Variants in LOXL2 observed in about 807,000 individuals in gnomAD.
LOXL2 encodes lysyl oxidase homolog 2.
Under a neutral mutation model 93.0 loss-of-function variants are expected in LOXL2, and 70 were observed. That is an observed-to-expected ratio of 0.75 (90% CI 0.62 to 0.92). LOXL2 has a LOEUF of 0.92. LOXL2 is among the 40% of genes least tolerant of loss of function. LOXL2 has a pLI of 0.00. For missense variants in LOXL2, 973 were observed against 1,054.9 expected, an observed-to-expected ratio of 0.92 and a Z score of 1.08; for synonymous variants, 438 against 413.2, an observed-to-expected ratio of 1.06 and a Z score of -0.73.
intron 12 of LOXL2, among the ~76,000 whole-genome samples, chr8:23,299,203 G>C (rs1273303611): frequency 6.6e-6 from 1 of 152,224 alleles, no homozygotes; most frequent in Non-Finnish European, 1.5e-5. Flanking sequence ...TCTACCCAGG[G>C]TGGGCCTTCG....
chr8:23,325,826 C>T (rs10098047), intron 6 of LOXL2, among the ~76,000 whole-genome samples: 109,344 of 151,942 alleles, frequency 0.72, 39,515 homozygotes, highest in Middle Eastern at 0.76. Context: ...GGTCCCGATG[C>T]GGGCAGGGGT....
intron 4 of LOXL2, among the ~76,000 whole-genome samples, chr8:23,334,837 G>T (rs965394015): frequency 2.8e-5 from 4 of 143,338 alleles, no homozygotes; most frequent in Non-Finnish European, 4.5e-5. Flanking sequence ...TTTTTTTTGA[G>T]ATGGAGTCTC....
intron 6 of LOXL2, 73 bp from the exon 7 acceptor site, chr8:23,322,354 G>A: frequency 1.4e-6 from 2 of 1,406,624 alleles, no homozygotes; most frequent in Non-Finnish European, 2.0e-6. Flanking sequence ...GAAAGCCCTG[G>A]ACAATAAGAA....
At chr8:23,299,782 C>T (rs528655564) in intron 12 of LOXL2, among the ~76,000 whole-genome samples, 2 of 152,178 alleles carry the variant, frequency 1.3e-5, no homozygotes, top group Non-Finnish European at 2.9e-5. Context: ...GCTGCTCGTT[C>T]AGGAACATTC....
intron 8 of LOXL2, among the ~76,000 whole-genome samples, chr8:23,319,014 G>C (rs1028428960): frequency 3.3e-5 from 5 of 152,230 alleles, no homozygotes. Flanking sequence ...TAGGCCCCAA[G>C]AAGGACCACT....
intron 2 of LOXL2, chr8:23,364,869 G>T (rs1386119254): frequency 6.6e-6 from 1 of 152,136 alleles, no homozygotes; most frequent in Non-Finnish European, 1.5e-5. Context: ...AAAATCTGTG[G>T]GGTTACAACA....
chr8:23,378,121 G>C (rs55661700), intron 1 of LOXL2, among the ~76,000 whole-genome samples: 13,594 of 152,152 alleles, frequency 0.089, 848 homozygotes, highest in African/African-American at 0.18. Flanking sequence ...AGGAGCTCTT[G>C]TAGGGCAGGC....
intron 1 of LOXL2, among the ~76,000 whole-genome samples, chr8:23,391,282 A>G (rs891231726): frequency 6.6e-6 from 1 of 152,242 alleles, no homozygotes; most frequent in Non-Finnish European, 1.5e-5. Context: ...TGACTATAAG[A>G]TAACACATAA....
At chr8:23,332,430 A>G (rs1803703895) in intron 5 of LOXL2, among the ~76,000 whole-genome samples, 1 of 109,816 alleles carries the variant, frequency 9.1e-6, no homozygotes, top group South Asian at 3.2e-4. Flanking sequence ...ACCCACAAAC[A>G]CACCCCACAC....
Position 23,303,383 on chromosome 8 carries a change from A to G in LOXL2, c.1895T>C (p.Met632Thr). 1 of 1,608,240 alleles carries G rather than the reference A, an allele frequency of 6.2e-7. No homozygotes were observed. The highest frequency in any genetic ancestry group is 1.7e-4 in the Middle Eastern group (1 of 6,056). ...CAGGTCATAGTGGGTGAACACCTCC[A>G]TGCTGTGGTAGTGCCTGGAGCGAGA... ...WHDCHRHYHS[M>T]EVFTHYDLLN... is the part of the protein sequence containing the mutation. The change falls in exon 11 of 14, where the codon ATG (methionine) becomes ACG (threonine). Residue 632 changes from methionine to threonine, a missense_variant. Met to Thr is a moderately conservative substitution (Grantham distance 81). Coordinates refer to ENST00000389131, the MANE Select transcript of LOXL2 (RefSeq NM_002318.3).
chr8:23,403,688 G>A (rs1800180696), intron 1 of LOXL2, among the ~76,000 whole-genome samples: 1 of 151,976 alleles, frequency 6.6e-6, no homozygotes, highest in South Asian at 2.1e-4. Context: ...GACGATCCAG[G>A]GACCCAGCGC....
intron 12 of LOXL2, among the ~76,000 whole-genome samples, chr8:23,301,687 G>C (rs1467923102): frequency 6.6e-6 from 1 of 152,194 alleles, no homozygotes; most frequent in African/African-American, 2.4e-5. Context: ...AGCTCCATAG[G>C]AGACAAGAGG....
At chr8:23,361,464 C>T (rs1411761347) in intron 2 of LOXL2, among the ~76,000 whole-genome samples, 2 of 152,106 alleles carry the variant, frequency 1.3e-5, no homozygotes, top group African/African-American at 4.8e-5. Flanking sequence ...CTCACTTGCA[C>T]TAAGTAGAGA....
intron 9 of LOXL2, among the ~76,000 whole-genome samples, chr8:23,316,044 G>A (rs1221756372): frequency 6.6e-6 from 1 of 152,170 alleles, no homozygotes; most frequent in East Asian, 1.9e-4. Flanking sequence ...TCTGCCCAGC[G>A]AAGCCTGCCC....
chr8:23,367,079 C>T (rs1451068941), intron 2 of LOXL2, among the ~76,000 whole-genome samples: 2 of 152,138 alleles, frequency 1.3e-5, no homozygotes, highest in East Asian at 1.9e-4. Context: ...GATGGAGTCT[C>T]GCTCTGTCAC....
chr8:23,342,839 A>G (rs1262240984), intron 3 of LOXL2, among the ~76,000 whole-genome samples: 6 of 151,970 alleles, frequency 3.9e-5, no homozygotes, highest in Non-Finnish European at 8.8e-5. Context: ...CAGTCTCCAT[A>G]TCCTGGGCTC....
intron 1 of LOXL2, among the ~76,000 whole-genome samples, chr8:23,370,026 C>G (rs1181781040): frequency 2.6e-5 from 4 of 152,168 alleles, no homozygotes; most frequent in African/African-American, 9.7e-5. Context: ...TTACTGCAAG[C>G]AAAGCCAGAA....
intron 1 of LOXL2, among the ~76,000 whole-genome samples, chr8:23,368,844 G>A (rs1263353982): frequency 6.6e-6 from 1 of 151,016 alleles, no homozygotes; most frequent in Non-Finnish European, 1.5e-5. Context: ...ACTGGCAGAG[G>A]GAGCTGTCTC....
chr8:23,324,472 G>A (rs144228510), intron 6 of LOXL2, among the ~76,000 whole-genome samples: 16 of 152,264 alleles, frequency 1.1e-4, no homozygotes, highest in East Asian at 3.9e-4. Flanking sequence ...AAGAGGCTCC[G>A]AAGGACACTG....
Sources: gnomAD v4.1 joint callset for allele counts (sites outside exome capture counted in the v4.1 genomes callset) on GRCh38, gnomAD v4.1.1 for gene constraint, MANE v1.5 for transcripts, NCBI Gene and HGNC (gene_info 2026-07-23, HGNC 2026-07-21) for gene names.